CDC73: variants seen among roughly 807,000 people sequenced by gnomAD.
CDC73 encodes parafibromin.
A neutral mutation model predicts 83.7 loss-of-function variants in CDC73; 21 were observed. That is an observed-to-expected ratio of 0.25 (90% CI 0.18 to 0.36). The LOEUF (loss-of-function observed/expected upper bound fraction) is 0.36. Among genes scored for constraint, CDC73 ranks in the 10% least tolerant of loss-of-function variants. The pLI, the probability that CDC73 is intolerant of heterozygous loss-of-function variation, is 1.00. For missense variants in CDC73, 342 were observed against 653.3 expected, an observed-to-expected ratio of 0.52 and a Z score of 5.19; for synonymous variants, 224 against 212.9, an observed-to-expected ratio of 1.05 and a Z score of -0.45.
intron 13 of CDC73, among the ~76,000 whole-genome samples, chr1:193,219,530 G>T (rs1294074961): frequency 6.6e-6 from 1 of 152,048 alleles, no homozygotes; most frequent in South Asian, 2.1e-4. Context: ...AAGAAATCTG[G>T]TACATACATG....
chr1:193,196,246 T>C (rs1486255458), intron 10 of CDC73, among the ~76,000 whole-genome samples: 2 of 152,242 alleles, frequency 1.3e-5, no homozygotes, highest in Non-Finnish European at 2.9e-5. Context: ...TTGAAAAGGC[T>C]GTCCTTTCCT....
intron 14 of CDC73, among the ~76,000 whole-genome samples, chr1:193,234,165 TCTCTCTCTCTCACA>T (rs1449171264): frequency 1.2e-5 from 1 of 86,738 alleles, no homozygotes; most frequent in Non-Finnish European, 2.3e-5. Context: ...TCTCTCTCTC[TCTCTCTCTCTCACA>T]CACACACACA....
At chr1:193,200,085 A>T (rs1293786078) in intron 10 of CDC73, among the ~76,000 whole-genome samples, 3 of 151,430 alleles carry the variant, frequency 2.0e-5, no homozygotes, top group Non-Finnish European at 4.4e-5. Flanking sequence ...AAAACAAAAA[A>T]CAAAAACTAG....
chr1:193,219,180 A>G lies in CDC73; in HGVS notation c.1154+6703A>G, dbSNP rs114851037. 6.1e-3 allele frequency among the ~76,000 whole-genome samples: 935 copies of G among 152,358 alleles called. 9 individuals carry two copies. The highest frequency in any genetic ancestry group is 0.022 in the African/African-American group (897 of 41,584). On this transcript the variant is annotated intron_variant, in intron 13 of 16. Coordinates refer to ENST00000367435, the MANE Select transcript of CDC73 (RefSeq NM_024529.5). The stretch of plus-strand genomic sequence containing the variant: ...TTAGAGAAATGCAAATCAAAACTGC[A>G]ATGAGATATCATCTCACATCACACC...
intron 13 of CDC73, among the ~76,000 whole-genome samples, chr1:193,219,024 A>T (rs939942376): frequency 2.0e-5 from 3 of 152,226 alleles, no homozygotes; most frequent in Admixed American, 2.0e-4. Flanking sequence ...AAGATCTAAT[A>T]CCCAGAATGT....
intron 15 of CDC73, among the ~76,000 whole-genome samples, chr1:193,238,214 C>A (rs1268550942): frequency 1.3e-5 from 2 of 152,166 alleles, no homozygotes; most frequent in African/African-American, 4.8e-5. Context: ...TCCTTCTATA[C>A]TGACTCCTTT....
intron 11 of CDC73, among the ~76,000 whole-genome samples, chr1:193,208,157 C>T (rs1457156762): frequency 6.6e-6 from 1 of 152,206 alleles, no homozygotes; most frequent in East Asian, 1.9e-4. Flanking sequence ...TTATTCATCA[C>T]ATTTCCTTAC....
At chr1:193,249,947 A>G (rs895450908) in intron 16 of CDC73, 76 bp downstream of exon 16, 8 of 1,378,092 alleles carry the variant, frequency 5.8e-6, no homozygotes, top group East Asian at 2.3e-5. Flanking sequence ...TAAGTTCCAT[A>G]GAGTTGTCAG....
At chr1:193,203,739 G>C (rs1677130450) in intron 10 of CDC73, 56 bp from the exon 11 acceptor site, 1 of 1,289,838 alleles carries the variant, frequency 7.8e-7, no homozygotes, top group Admixed American at 1.7e-5. Context: ...AATAATTAAA[G>C]TGTTTATTAT....
At chr1:193,126,650 T>C (rs1044419327) in intron 2 of CDC73, among the ~76,000 whole-genome samples, 1 of 152,216 alleles carries the variant, frequency 6.6e-6, no homozygotes, top group Non-Finnish European at 1.5e-5. Flanking sequence ...TAATTAAATG[T>C]CTGCTTTTAA....
At chr1:193,158,922 A>G (rs573036339) in intron 10 of CDC73, among the ~76,000 whole-genome samples, 1 of 148,358 alleles carries the variant, frequency 6.7e-6, no homozygotes, top group Non-Finnish European at 1.5e-5. Flanking sequence ...GTTACGGAAC[A>G]TATATCCGTA....
At chr1:193,185,229 A>C (rs184102888) in intron 10 of CDC73, among the ~76,000 whole-genome samples, 12 of 152,192 alleles carry the variant, frequency 7.9e-5, no homozygotes, top group African/African-American at 2.6e-4. Flanking sequence ...GACAACGTTA[A>C]ATTTGATCAT....
rs576308774 is a variant in CDC73 at position 193,223,459 on chromosome 1, A to G, written c.1155-9534A>G. Among the ~76,000 whole-genome samples, 31 of 152,294 alleles carry G rather than the reference A, an allele frequency of 2.0e-4. 1 individual carries two copies. The South Asian group carries it at 6.4e-3, about 32-fold the overall frequency. On this transcript the variant is annotated intron_variant, in intron 13 of 16. Transcript: ENST00000367435. ...TACTGTTGTTCTTGCTGCAAATTCA[A>G]ATGAGGTCAGTTTTACCATTTGAGA...
At chr1:193,214,474 T>C (rs1677329391) in intron 13 of CDC73, among the ~76,000 whole-genome samples, 1 of 152,156 alleles carries the variant, frequency 6.6e-6, no homozygotes. Context: ...TCACAGCACT[T>C]TGGGAGGCCG....
intron 10 of CDC73, among the ~76,000 whole-genome samples, chr1:193,183,786 A>G (rs1676759789): frequency 6.6e-6 from 1 of 151,924 alleles, no homozygotes; most frequent in Non-Finnish European, 1.5e-5. Flanking sequence ...TAAGTGTTAC[A>G]AAGATAAGTT....
At chr1:193,229,875 A>G (rs1558318696) in intron 13 of CDC73, among the ~76,000 whole-genome samples, 1 of 152,184 alleles carries the variant, frequency 6.6e-6, no homozygotes, top group Non-Finnish European at 1.5e-5. Context: ...TGGAAAGCAG[A>G]AGAGTGGTTG....
intron 2 of CDC73, among the ~76,000 whole-genome samples, 174 bp from the exon 3 acceptor site, chr1:193,130,000 A>G (rs1675666764): frequency 6.6e-6 from 1 of 152,224 alleles, no homozygotes; most frequent in Non-Finnish European, 1.5e-5. Flanking sequence ...CATGTTTAAT[A>G]AATTTTCAGG....
At chr1:193,194,360 T>G (rs922833405) in intron 10 of CDC73, among the ~76,000 whole-genome samples, 3 of 152,194 alleles carry the variant, frequency 2.0e-5, no homozygotes, top group African/African-American at 7.2e-5. Flanking sequence ...CCTCACTTTG[T>G]GGCAAGTCAA....
chr1:193,155,692 GTT>G (rs1268359473), intron 10 of CDC73, among the ~76,000 whole-genome samples: 2 of 152,102 alleles, frequency 1.3e-5, no homozygotes, highest in Admixed American at 1.3e-4. Flanking sequence ...CAGGAGAATT[GTT>G]TGAACCCAGG....
Sources: gnomAD v4.1 joint callset for allele counts (sites outside exome capture counted in the v4.1 genomes callset) on GRCh38, gnomAD v4.1.1 for gene constraint, MANE v1.5 for transcripts, NCBI Gene and HGNC (gene_info 2026-07-23, HGNC 2026-07-21) for gene names.